ZBTB20: variants seen among roughly 807,000 people sequenced by gnomAD.
ZBTB20 encodes the protein zinc finger and BTB domain containing 20, also known as zinc finger and BTB domain-containing protein 20.
Under a neutral mutation model 56.9 loss-of-function variants are expected in ZBTB20, and 9 were observed. The observed-to-expected ratio is 0.16, with a 90% CI of 0.10 to 0.28. The LOEUF (loss-of-function observed/expected upper bound fraction) is 0.28, where lower values mean the gene tolerates loss of function less well. Ranked by LOEUF, ZBTB20 falls within the 10% of genes least tolerant of loss-of-function variation. ZBTB20 has a pLI of 1.00. For synonymous variants in ZBTB20, 417 were observed against 420.7 expected, an observed-to-expected ratio of 0.99 and a Z score of 0.11; for missense variants, 655 against 1,003.0, an observed-to-expected ratio of 0.65 and a Z score of 4.69.
chr3:114,380,189 G>T lies in ZBTB20; in HGVS notation c.199+28C>A, dbSNP rs1314953632. The T allele has an allele frequency of 4.0e-6, 6 of 1,515,602 alleles. No homozygotes were observed. The African/African-American group carries it at 6.9e-5, about 17-fold the overall frequency. The allele number at this position is 1,515,602 out of a possible 1,614,324, so 93.9% of individuals were successfully genotyped here. A position where few individuals can be genotyped will look rare whatever the true frequency, so the allele number is the denominator to read the frequency against. On this transcript the variant is annotated intron_variant, in intron 10 of 11. Transcript: ENST00000675478. ...GAAGCACTACTCCAAGCACTGCAAAGACACCATCACCTTAGTGGTGTACTC... is the reference window on the plus strand; with the variant it reads ...GAAGCACTACTCCAAGCACTGCAAATACACCATCACCTTAGTGGTGTACTC...
At chr3:114,928,159 G>A (rs1210948704) in intron 3 of ZBTB20, among the ~76,000 whole-genome samples, 5 of 152,180 alleles carry the variant, frequency 3.3e-5, no homozygotes, top group East Asian at 1.9e-4. Flanking sequence ...TTATCCCTTC[G>A]TTTCATGCAG....
intron 6 of ZBTB20, among the ~76,000 whole-genome samples, chr3:114,579,363 T>C (rs1462559908): frequency 1.3e-5 from 2 of 151,608 alleles, no homozygotes; most frequent in African/African-American, 4.8e-5. Context: ...AAAACAGATA[T>C]TATGAAATAT....
At chr3:114,354,022 A>G (rs1273506735) in intron 10 of ZBTB20, among the ~76,000 whole-genome samples, 1 of 152,192 alleles carries the variant, frequency 6.6e-6, no homozygotes, top group Non-Finnish European at 1.5e-5. Context: ...GCTCTGTTGT[A>G]AAGCTGTGTG....
intron 2 of ZBTB20, among the ~76,000 whole-genome samples, chr3:115,036,386 G>C (rs1269357117): frequency 2.0e-5 from 3 of 150,884 alleles, no homozygotes; most frequent in African/African-American, 7.3e-5. Flanking sequence ...TGTAACCTCC[G>C]CTTCCCGGGT....
At chr3:114,468,358 A>G (rs11923754) in intron 7 of ZBTB20, among the ~76,000 whole-genome samples, 8,869 of 152,282 alleles carry the variant, frequency 0.058, 854 homozygotes, top group African/African-American at 0.2. Flanking sequence ...AAAGCCCTGT[A>G]GAAGGGGACC....
intron 2 of ZBTB20, among the ~76,000 whole-genome samples, chr3:115,050,613 T>A (rs1284891835): frequency 1.3e-5 from 2 of 152,098 alleles, no homozygotes; most frequent in Admixed American, 1.3e-4. Context: ...AATCTCTCAA[T>A]GATTTATTAA....
intron 5 of ZBTB20, among the ~76,000 whole-genome samples, chr3:114,729,426 T>A (rs1388452924): frequency 2.0e-5 from 3 of 152,248 alleles, no homozygotes; most frequent in Non-Finnish European, 2.9e-5. Context: ...TATCTCTTTT[T>A]ATTTTTACTT....
intron 4 of ZBTB20, among the ~76,000 whole-genome samples, chr3:114,811,535 G>GA (rs1365571774): frequency 6.6e-6 from 1 of 151,970 alleles, no homozygotes; most frequent in Non-Finnish European, 1.5e-5. Flanking sequence ...TTAAATAGAT[G>GA]AAAAAAATCA....
chr3:114,713,040 C>T (rs576632828), intron 5 of ZBTB20, among the ~76,000 whole-genome samples: 14 of 152,226 alleles, frequency 9.2e-5, no homozygotes, highest in African/African-American at 3.1e-4. Context: ...GATAACTAGG[C>T]ATTACTAGGT....
chr3:115,049,042 T>C (rs1444154797), intron 2 of ZBTB20, among the ~76,000 whole-genome samples: 2 of 152,162 alleles, frequency 1.3e-5, no homozygotes, highest in East Asian at 3.9e-4. Flanking sequence ...CTAAACTTTT[T>C]AATAAGCTGT....
intron 4 of ZBTB20, among the ~76,000 whole-genome samples, chr3:114,803,622 ACT>A (rs148934687): frequency 0.016 from 2,475 of 151,740 alleles, 75 homozygotes; most frequent in African/African-American, 0.056. Flanking sequence ...CAAATCAGTA[ACT>A]CTGTCACTAT....
intron 7 of ZBTB20, among the ~76,000 whole-genome samples, chr3:114,425,876 C>G (rs1266844786): frequency 6.6e-6 from 1 of 152,178 alleles, no homozygotes; most frequent in Non-Finnish European, 1.5e-5. Flanking sequence ...TCTAATATAT[C>G]CAATGCCTCA....
At chr3:114,841,076 C>G (rs2108998110) in intron 4 of ZBTB20, among the ~76,000 whole-genome samples, 1 of 152,250 alleles carries the variant, frequency 6.6e-6, no homozygotes, top group African/African-American at 2.4e-5. Context: ...GTGTTAGGCA[C>G]TAAAGACGCA....
At chr3:114,352,562 AG>A (rs2108222071) in intron 10 of ZBTB20, among the ~76,000 whole-genome samples, 1 of 152,344 alleles carries the variant, frequency 6.6e-6, no homozygotes, top group African/African-American at 2.4e-5. Flanking sequence ...TGCTAGCTAA[AG>A]GGGCACTCCA....
At chr3:115,040,313 G>T (rs2081089288) in intron 2 of ZBTB20, among the ~76,000 whole-genome samples, 1 of 152,024 alleles carries the variant, frequency 6.6e-6, no homozygotes, top group African/African-American at 2.4e-5. Flanking sequence ...AGGGTAAGTA[G>T]ACACCCAAAA....
chr3:114,906,709 C>T (rs534162225), intron 3 of ZBTB20, among the ~76,000 whole-genome samples: 42 of 151,614 alleles, frequency 2.8e-4, no homozygotes, highest in African/African-American at 9.2e-4. Context: ...GGCCAGCCAG[C>T]GTCTGCAACA....
chr3:114,663,560 G>T (rs2060871237), intron 6 of ZBTB20, among the ~76,000 whole-genome samples: 1 of 151,412 alleles, frequency 6.6e-6, no homozygotes. Flanking sequence ...AATGTAAATG[G>T]ACTAAATTCT....
chr3:114,390,264 A>G (rs954041182), intron 7 of ZBTB20, among the ~76,000 whole-genome samples: 11 of 152,166 alleles, frequency 7.2e-5, no homozygotes, highest in Non-Finnish European at 1.5e-4. Context: ...TGTTCTTGCA[A>G]ATGACAAGAT....
intron 3 of ZBTB20, among the ~76,000 whole-genome samples, chr3:114,944,811 A>G (rs1450029342): frequency 6.9e-6 from 1 of 144,946 alleles, no homozygotes; most frequent in Non-Finnish European, 1.5e-5. Flanking sequence ...GGTGGTTACT[A>G]GAGGCTGAGT....
Sources: allele counts gnomAD v4.1 joint callset (sites outside exome capture counted in the v4.1 genomes callset), GRCh38; gene constraint gnomAD v4.1.1; transcripts MANE v1.5; gene names NCBI Gene and HGNC (gene_info 2026-07-23, HGNC 2026-07-21).